The following KAT6B variants were observed in gnomAD, a reference collection of about 807,000 sequenced individuals.
The protein encoded by KAT6B is lysine acetyltransferase 6B.
Under a neutral mutation model 187.5 loss-of-function variants are expected in KAT6B, and 10 were observed. That is an observed-to-expected ratio of 0.05 (90% CI 0.03 to 0.09). The LOEUF (loss-of-function observed/expected upper bound fraction) is 0.09. Among genes scored for constraint, KAT6B ranks in the 10% least tolerant of loss-of-function variants. KAT6B has a pLI of 1.00. For missense variants in KAT6B, 1,952 were observed against 2,558.9 expected, an observed-to-expected ratio of 0.76 and a Z score of 5.12; for synonymous variants, 861 against 926.8, an observed-to-expected ratio of 0.93 and a Z score of 1.29.
At chr10:74,926,940 T>A (rs578074917) in intron 3 of KAT6B, among the ~76,000 whole-genome samples, 6 of 152,278 alleles carry the variant, frequency 3.9e-5, no homozygotes, top group African/African-American at 1.4e-4. Context: ...TCTCACAGGG[T>A]CATAAGGATC....
Position 74,977,200 on chromosome 10 carries a change from C to T in KAT6B, c.1994-116C>T, listed in dbSNP as rs541467988. The T allele has an allele frequency of 6.0e-5, 65 of 1,075,034 alleles. No homozygotes were observed. In the African/African-American group the frequency reaches 7.9e-4, roughly 13 times the overall value. 66.6% of individuals were successfully genotyped at this position (1,075,034 alleles called of 1,614,324 possible). Reference sequence around the variant, plus strand: ...TAGATGTAAAAGCTTATTTATAAAGCTTTAAAAAAAATCCCTATTTGCCCA... The same window carrying T: ...TAGATGTAAAAGCTTATTTATAAAGTTTTAAAAAAAATCCCTATTTGCCCA... On this transcript the variant is annotated intron_variant, in intron 8 of 17. Transcript: ENST00000287239.
intron 3 of KAT6B, among the ~76,000 whole-genome samples, chr10:74,862,505 G>A (rs1435417251): frequency 6.6e-6 from 1 of 152,076 alleles, no homozygotes; most frequent in African/African-American, 2.4e-5. Context: ...TGGGAGTCAG[G>A]CATTAGAACT....
intron 3 of KAT6B, among the ~76,000 whole-genome samples, chr10:74,922,785 CAG>C (rs1848229529): frequency 6.6e-6 from 1 of 152,168 alleles, no homozygotes; most frequent in Admixed American, 6.5e-5. Flanking sequence ...CAAGTGAATC[CAG>C]AGTTTGGTAT....
chr10:74,932,307 CTA>C (rs1237921926), intron 3 of KAT6B, among the ~76,000 whole-genome samples: 1 of 152,148 alleles, frequency 6.6e-6, no homozygotes, highest in Admixed American at 6.5e-5. Context: ...CCCACAACAA[CTA>C]TAGTTATCCC....
At chr10:74,877,418 A>G (rs939656273) in intron 3 of KAT6B, among the ~76,000 whole-genome samples, 13 of 152,212 alleles carry the variant, frequency 8.5e-5, no homozygotes, top group Non-Finnish European at 1.8e-4. Context: ...CTGCAGTTTT[A>G]AAAAATATTT....
chr10:74,907,334 G>A (rs574880891), intron 3 of KAT6B, among the ~76,000 whole-genome samples: 2 of 152,286 alleles, frequency 1.3e-5, no homozygotes, highest in Non-Finnish European at 1.5e-5. Context: ...TCTTGAGAGG[G>A]TGTTACTGTG....
At chr10:74,951,709 G>A (rs879569934) in intron 3 of KAT6B, among the ~76,000 whole-genome samples, 18 of 152,270 alleles carry the variant, frequency 1.2e-4, no homozygotes, top group South Asian at 2.1e-4. Flanking sequence ...CATAAATGTC[G>A]TTTATTATGT....
intron 11 of KAT6B, 61 bp downstream of exon 11, chr10:74,981,989 T>C (rs1589750610): frequency 6.9e-7 from 1 of 1,459,324 alleles, no homozygotes; most frequent in East Asian, 2.3e-5. Context: ...AATTGTTGAC[T>C]ATGTGCTGAT....
chr10:75,026,423 C>T (rs1373678803), intron 17 of KAT6B, among the ~76,000 whole-genome samples: 3 of 152,112 alleles, frequency 2.0e-5, no homozygotes, highest in Non-Finnish European at 4.4e-5. Context: ...CTATTCAGAA[C>T]TTACTTTAAT....
intron 13 of KAT6B, among the ~76,000 whole-genome samples, chr10:75,016,116 T>C (rs1191837725): frequency 2.6e-5 from 4 of 152,228 alleles, no homozygotes; most frequent in East Asian, 1.9e-4. Flanking sequence ...GGAATTTGGG[T>C]CTGCAAAAAC....
chr10:74,881,937 G>A (rs945585340), intron 3 of KAT6B, among the ~76,000 whole-genome samples: 22 of 152,196 alleles, frequency 1.4e-4, no homozygotes, highest in African/African-American at 3.9e-4. Flanking sequence ...GATTACCAGC[G>A]TGAACCACCA....
chr10:74,983,645 A>G (rs1442941153), intron 11 of KAT6B: 3 of 152,252 alleles, frequency 2.0e-5, no homozygotes, highest in South Asian at 2.1e-4. Context: ...TCATAAATCC[A>G]TGGAACGTCT....
intron 4 of KAT6B, among the ~76,000 whole-genome samples, chr10:74,962,666 G>A (rs1371001497): frequency 6.6e-6 from 1 of 152,184 alleles, no homozygotes; most frequent in Non-Finnish European, 1.5e-5. Flanking sequence ...ATGCTTTTCA[G>A]TCGTCCCTAT....
chr10:74,894,719 TC>T (rs949925704), intron 3 of KAT6B, among the ~76,000 whole-genome samples: 31 of 152,226 alleles, frequency 2.0e-4, no homozygotes, highest in African/African-American at 6.0e-4. Flanking sequence ...TCCTCAAGGT[TC>T]ATCCATGTTG....
intron 3 of KAT6B, among the ~76,000 whole-genome samples, chr10:74,906,152 C>T (rs926802544): frequency 1.3e-5 from 2 of 152,160 alleles, no homozygotes; most frequent in Non-Finnish European, 1.5e-5. Context: ...GAAATCCCAG[C>T]ACTTTGGGAG....
intron 3 of KAT6B, among the ~76,000 whole-genome samples, chr10:74,863,432 G>A (rs1439409658): frequency 6.6e-6 from 1 of 152,152 alleles, no homozygotes; most frequent in Admixed American, 6.5e-5. Flanking sequence ...CTAAAAATTT[G>A]TGCATGTGTG....
chr10:74,869,624 T>C (rs1295643811), intron 3 of KAT6B, among the ~76,000 whole-genome samples: 1 of 152,222 alleles, frequency 6.6e-6, no homozygotes, highest in Non-Finnish European at 1.5e-5. Flanking sequence ...CCCACCTCTT[T>C]GAATTTCCCA....
intron 3 of KAT6B, among the ~76,000 whole-genome samples, chr10:74,863,417 C>T (rs11001186): frequency 0.023 from 3,564 of 152,188 alleles, 134 homozygotes; most frequent in African/African-American, 0.081. Context: ...CAAATAATAC[C>T]GCTACTAAAA....
intron 3 of KAT6B, among the ~76,000 whole-genome samples, chr10:74,932,761 A>G (rs1293900864): frequency 6.6e-6 from 1 of 152,114 alleles, no homozygotes; most frequent in East Asian, 1.9e-4. Flanking sequence ...ATGAGCTCTC[A>G]CATCTCATTG....
Sources: allele counts gnomAD v4.1 joint callset (sites outside exome capture counted in the v4.1 genomes callset), GRCh38; gene constraint gnomAD v4.1.1; transcripts MANE v1.5; gene names NCBI Gene and HGNC (gene_info 2026-07-23, HGNC 2026-07-21).